The following RGS5 variants were observed in gnomAD, a reference collection of about 807,000 sequenced individuals.
RGS5 encodes regulator of G protein signaling 5, also known as regulator of G-protein signalling 5.
In RGS5, 20 loss-of-function variants were observed where a neutral mutation model predicts 18.9. The ratio of observed to expected loss-of-function variants is 1.06; its 90% confidence interval spans 0.74 to 1.54. The LOEUF is 1.54. Among genes scored for constraint, RGS5 ranks in the 40% most tolerant of loss-of-function variants. The pLI is 0.00. For missense variants in RGS5, 201 were observed against 211.8 expected, an observed-to-expected ratio of 0.95 and a Z score of 0.32; for synonymous variants, 57 against 76.2, an observed-to-expected ratio of 0.75 and a Z score of 1.31.
chr1:163,197,406 T>C (rs1363256808), intron 1 of RGS5, among the ~76,000 whole-genome samples: 1 of 152,146 alleles, frequency 6.6e-6, no homozygotes, highest in East Asian at 1.9e-4. Context: ...CTAAAAGCTC[T>C]AGGGGCCCCG....
intron 2 of RGS5, chr1:163,304,827 A>T (rs577915058): frequency 6.6e-6 from 1 of 152,368 alleles, no homozygotes; most frequent in East Asian, 1.9e-4. Flanking sequence ...TAATCAGTAA[A>T]GAAGTTTTTA....
chr1:163,287,761 C>A (rs1649180647), intron 2 of RGS5, among the ~76,000 whole-genome samples: 1 of 152,202 alleles, frequency 6.6e-6, no homozygotes, highest in South Asian at 2.1e-4. Context: ...GGTAATTCTA[C>A]TGGTGGTGTC....
upstream of RGS5, among the ~76,000 whole-genome samples, chr1:163,219,492 C>T (rs1161406785): frequency 6.6e-6 from 1 of 152,012 alleles, no homozygotes; most frequent in Non-Finnish European, 1.5e-5. Context: ...TTCCTGCAAC[C>T]TTTTCCAGTG....
At chr1:163,270,472 A>G (rs904491405) in intron 2 of RGS5, among the ~76,000 whole-genome samples, 16 of 152,026 alleles carry the variant, frequency 1.1e-4, no homozygotes, top group African/African-American at 3.1e-4. Context: ...ATGAGCCACA[A>G]TTGCACCACT....
intron 1 of RGS5, among the ~76,000 whole-genome samples, chr1:163,199,119 G>A (rs1659680697): frequency 6.6e-6 from 1 of 152,042 alleles, no homozygotes; most frequent in Non-Finnish European, 1.5e-5. Context: ...TGAAAATCAT[G>A]GGTAAAAATA....
At chr1:163,298,977 T>C (rs1649490686) in intron 2 of RGS5, among the ~76,000 whole-genome samples, 1 of 151,962 alleles carries the variant, frequency 6.6e-6, no homozygotes, top group Non-Finnish European at 1.5e-5. Context: ...ATTTCTGTGA[T>C]AGAAGCACAT....
upstream of RGS5, among the ~76,000 whole-genome samples, chr1:163,206,100 G>C (rs928354526): frequency 6.6e-6 from 1 of 152,086 alleles, no homozygotes; most frequent in African/African-American, 2.4e-5. Flanking sequence ...CTACCACTCA[G>C]AAATATATAC....
intron 3 of RGS5, among the ~76,000 whole-genome samples, chr1:163,156,338 A>C (rs1416622436): frequency 6.6e-6 from 1 of 152,212 alleles, no homozygotes; most frequent in East Asian, 1.9e-4. Context: ...ATTATTATGT[A>C]GCTCAATACA....
intron 2 of RGS5, among the ~76,000 whole-genome samples, chr1:163,292,386 A>G (rs770320356): frequency 2.6e-5 from 4 of 152,198 alleles, no homozygotes; most frequent in Non-Finnish European, 5.9e-5. Context: ...TCCGTGGTGT[A>G]TATGTACCAC....
intron 2 of RGS5, among the ~76,000 whole-genome samples, chr1:163,234,273 AC>A (rs1174207608): frequency 3.9e-5 from 6 of 152,174 alleles, no homozygotes; most frequent in Admixed American, 1.3e-4. Context: ...ATCAGTGGGC[AC>A]TGGATTTTCA....
intron 2 of RGS5, 36 bp from the exon 3 acceptor site, chr1:163,162,012 G>GT (rs1557883923): frequency 6.7e-7 from 1 of 1,486,710 alleles, no homozygotes; most frequent in Admixed American, 1.7e-5. Context: ...GGGGTATGGC[G>GT]TAAGTAGGCA....
chr1:163,180,399 C>T (rs1475308813), intron 1 of RGS5, among the ~76,000 whole-genome samples: 1 of 152,200 alleles, frequency 6.6e-6, no homozygotes, highest in Non-Finnish European at 1.5e-5. Context: ...GCCTTCAGCA[C>T]TCCCTATCAG....
intron 1 of RGS5, among the ~76,000 whole-genome samples, chr1:163,318,282 C>G (rs1650080896): frequency 6.6e-6 from 1 of 152,164 alleles, no homozygotes; most frequent in East Asian, 1.9e-4. Flanking sequence ...CACACCAGGC[C>G]ATGGAGTTGG....
chr1:163,173,224 T>C (rs1047131711), intron 1 of RGS5, among the ~76,000 whole-genome samples: 1 of 152,216 alleles, frequency 6.6e-6, no homozygotes, highest in African/African-American at 2.4e-5. Context: ...TCTCCTGTCA[T>C]CTCTCTTCCT....
chr1:163,164,607 C>T (rs748329426), intron 2 of RGS5, among the ~76,000 whole-genome samples: 3 of 152,186 alleles, frequency 2.0e-5, no homozygotes, highest in Non-Finnish European at 4.4e-5. Context: ...TGTACCCTTA[C>T]AGCATCAATC....
chr1:163,229,661 T>C (rs1464200512), intron 2 of RGS5, among the ~76,000 whole-genome samples: 2 of 152,264 alleles, frequency 1.3e-5, no homozygotes, highest in Admixed American at 1.3e-4. Flanking sequence ...CAGTTCCATT[T>C]CCCTGGAATG....
chr1:163,153,342 G>T (rs187857305), intron 3 of RGS5, among the ~76,000 whole-genome samples: 1 of 152,204 alleles, frequency 6.6e-6, no homozygotes, highest in African/African-American at 2.4e-5. Context: ...ACATTTACAC[G>T]ATGAAAGGAA....
intron 1 of RGS5, among the ~76,000 whole-genome samples, chr1:163,188,483 G>C (rs936213503): frequency 1.3e-5 from 2 of 152,192 alleles, no homozygotes; most frequent in African/African-American, 4.8e-5. Context: ...AGGGCATATA[G>C]TGTGAAGGAG....
intron 2 of RGS5, among the ~76,000 whole-genome samples, chr1:163,225,041 T>G (rs758415943): frequency 6.6e-5 from 10 of 152,194 alleles, no homozygotes; most frequent in Non-Finnish European, 1.2e-4. Context: ...GAGGAAATCC[T>G]ATTGGTCTAT....
Sources: gnomAD v4.1 joint callset for allele counts (sites outside exome capture counted in the v4.1 genomes callset) on GRCh38, gnomAD v4.1.1 for gene constraint, MANE v1.5 for transcripts, NCBI Gene and HGNC (gene_info 2026-07-23, HGNC 2026-07-21) for gene names.